The following GID4 variants were observed in gnomAD, a reference collection of about 807,000 sequenced individuals.
The protein encoded by GID4 is glucose-induced degradation protein 4 homolog.
Under a neutral mutation model 32.4 loss-of-function variants are expected in GID4, and 7 were observed. The observed-to-expected ratio is 0.22, with a 90% CI of 0.12 to 0.41. GID4 has a LOEUF of 0.41. Among genes scored for constraint, GID4 ranks in the 10% least tolerant of loss-of-function variants. The pLI is 1.00. For missense variants in GID4, 309 were observed against 400.0 expected (o/e 0.77, Z 1.94); for synonymous variants, 166 against 170.0 (o/e 0.98, Z 0.18).
At position 18,061,981 on chromosome 17, in the gene GID4, G is replaced by A. The variant is rs1567589431; in HGVS notation, c.839+6G>A. 6 of 1,612,966 alleles carry A rather than the reference G, an allele frequency of 3.7e-6. No individual in the cohort carries two copies. In the East Asian group the frequency reaches 1.1e-4, roughly 30 times the overall value. ...TACCATAGGAGTTCAGAATGGTGAG[G>A]ACCTCTGAGGACAGAGGCCACGGGG... On this transcript the variant is annotated splice_donor_region_variant and intron_variant, in intron 5 of 5. Transcript: ENST00000268719. This position sits in a 1 kb window ranked among gnomAD's most constrained non-coding sequence, Gnocchi z 4.4.
intron 3 of GID4, chr17:18,056,717 T>A: frequency 1.3e-6 from 2 of 1,549,886 alleles, no homozygotes; most frequent in African/African-American, 1.4e-5. Flanking sequence ...TTGGAAGATA[T>A]CTGGATCTGC....
rs2044760953 is a variant in GID4, at chr17:18,039,523, C to T, written c.59C>T (p.Ser20Leu). The T allele has an allele frequency of 5.3e-6, 7 of 1,310,422 alleles. No homozygotes were observed. The highest frequency in any genetic ancestry group is 6.8e-6 in the Non-Finnish European group (7 of 1,034,162). 81.2% of individuals were successfully genotyped at this position (1,310,422 alleles called of 1,614,324 possible). Residue 20 changes from serine (S) to leucine (L), a missense_variant, in exon 1 of 6, where the codon TCG (serine) becomes TTG (leucine). Coordinates refer to ENST00000268719, the MANE Select transcript of GID4 (RefSeq NM_024052.5). This position sits in a 1 kb window ranked among gnomAD's most constrained non-coding sequence, Gnocchi z 5.3. Reference protein sequence around the residue: ...GTQLRTGRPCSQVPGSRWRPE... With the variant: ...GTQLRTGRPCLQVPGSRWRPE... ...CAGCTCAGGACTGGGAGGCCCTGCT[C>T]GCAGGTCCCTGGGTCCCGGTGGCGG... is the stretch of plus-strand genomic sequence containing the variant.
chr17:18,040,667 AGTCT>A (rs1470167261), intron 1 of GID4, among the ~76,000 whole-genome samples: 1 of 152,092 alleles, frequency 6.6e-6, no homozygotes, highest in Non-Finnish European at 1.5e-5. Context: ...GACCATTTGC[AGTCT>A]TTTCCCAGTC....
intron 3 of GID4, 36 bp downstream of exon 3, chr17:18,054,270 G>A: frequency 7.8e-7 from 1 of 1,281,166 alleles, no homozygotes; most frequent in Non-Finnish European, 1.1e-6. Flanking sequence ...TCATCTAGGG[G>A]CTGCTAGAGA....
In GID4 at chr17:18,065,636, A is replaced by AC. The variant is rs2045054922; in HGVS notation, c.*398dup. Reference sequence around the variant, plus strand: ...GTGCTCAGTGGTCCCGAGGCCCTAGACCCCCACCCCCCGCCAGTTGCTTTG... The same window carrying AC: ...GTGCTCAGTGGTCCCGAGGCCCTAGACCCCCCACCCCCCGCCAGTTGCTTTG... On this transcript the variant is annotated 3_prime_UTR_variant, in exon 6 of 6. Coordinates refer to ENST00000268719, the MANE Select transcript of GID4 (RefSeq NM_024052.5). 4.4e-6 allele frequency: 1 copy of AC among 229,228 alleles called. No individual in the cohort carries two copies. Among genetic ancestry groups the AC allele is most frequent in the African/African-American group, 2.3e-5 (1 of 42,848 alleles). The allele number at this position is 229,228 out of a possible 1,614,324, so 14.2% of individuals were successfully genotyped here.
At chr17:18,043,931 G>A (rs1189664256) in intron 1 of GID4, among the ~76,000 whole-genome samples, 2 of 152,180 alleles carry the variant, frequency 1.3e-5, no homozygotes, top group Non-Finnish European at 2.9e-5. Flanking sequence ...TTCAGAATGA[G>A]TCTGTATAGA....
chr17:18,042,018 G>A (rs894810175), intron 1 of GID4, among the ~76,000 whole-genome samples: 3 of 152,212 alleles, frequency 2.0e-5, no homozygotes, highest in Admixed American at 2.0e-4. Flanking sequence ...TCATCATCAC[G>A]ACTAGTCAGT....
At chr17:18,044,884 G>A (rs879602010) in intron 1 of GID4, among the ~76,000 whole-genome samples, 20 of 152,158 alleles carry the variant, frequency 1.3e-4, no homozygotes, top group Non-Finnish European at 7.3e-5. Context: ...GAATTTGAGT[G>A]GGCACCCCAT....
At chr17:18,053,881 G>T (rs2044938938) in intron 2 of GID4, among the ~76,000 whole-genome samples, 1 of 152,180 alleles carries the variant, frequency 6.6e-6, no homozygotes, top group African/African-American at 2.4e-5. Context: ...TGTAACAATT[G>T]AAGTCAAAGA....
chr17:18,062,058 C>A, intron 5 of GID4, 83 bp downstream of exon 5: 1 of 1,289,584 alleles, frequency 7.8e-7, no homozygotes, highest in African/African-American at 1.5e-5. Flanking sequence ...CCAAAAGCAA[C>A]ATCTTAGCCT....
intron 1 of GID4, among the ~76,000 whole-genome samples, chr17:18,043,755 TTCACAAA>T (rs1380404550): frequency 3.9e-5 from 6 of 152,234 alleles, no homozygotes; most frequent in Non-Finnish European, 4.4e-5. Flanking sequence ...AGTAATCAGG[TTCACAAA>T]TCTGATAAAT....
Position 18,061,340 on chromosome 17 carries a change from A to C in GID4, c.709-505A>C, listed in dbSNP as rs1408150437. Reference sequence around the variant, plus strand: ...TTCTGACTGCTTTTGACAAGGCGTCAAGCTCTTGGAGGGGGTGTCACAGGG... The same window carrying C: ...TTCTGACTGCTTTTGACAAGGCGTCCAGCTCTTGGAGGGGGTGTCACAGGG... On this transcript the variant is annotated intron_variant, in intron 4 of 5. Transcript: ENST00000268719. This position sits in a 1 kb window ranked among gnomAD's most constrained non-coding sequence, Gnocchi z 4.4. 6.6e-6 allele frequency among the ~76,000 whole-genome samples: 1 copy of C among 152,202 alleles called. No homozygotes were observed. The highest frequency in any genetic ancestry group is 1.5e-5 in the Non-Finnish European group (1 of 68,038).
At chr17:18,053,978 A>C in intron 2 of GID4, 149 bp from the exon 3 acceptor site, 1 of 469,808 alleles carries the variant, frequency 2.1e-6, no homozygotes, top group Non-Finnish European at 3.8e-6. Flanking sequence ...CCTGTTGGCA[A>C]ACTGGCTGCG....
rs555653947 is a variant in GID4, at chr17:18,063,812, G to A, written c.840-1368G>A. Among the ~76,000 whole-genome samples, 138 of 152,070 alleles carry A rather than the reference G, an allele frequency of 9.1e-4. 1 individual carries two copies. The South Asian group carries it at 0.023, about 26-fold the overall frequency. On this transcript the variant is annotated intron_variant, in intron 5 of 5. Transcript: ENST00000268719. ...GGCTGGAGTTCAGTGGCACGATCTC[G>A]GCTCACTGCAACCTCCGCCTCCCAG...
chr17:18,063,075 AAAATAAATAAATAAATAAATAAAT>A (rs140677914), intron 5 of GID4, among the ~76,000 whole-genome samples: 1 of 123,580 alleles, frequency 8.1e-6, no homozygotes. Context: ...CACCATCTCA[AAAATAAATAAATAAATAAATAAAT>A]AAATAAATAA....
rs1475850956 is a variant in GID4 at position 18,065,166 on chromosome 17, C to T, written c.840-14C>T. 1.9e-6 allele frequency: 3 copies of T among 1,609,720 alleles called. No individual in the cohort carries two copies. Among genetic ancestry groups the T allele is most frequent in the Non-Finnish European group, 2.6e-6 (3 of 1,175,986 alleles). ...AGATGACTACCTCCCGTTTCTGTCT[C>T]CTCCCCCTTGCAGGTATCAGTCCCT... is the stretch of plus-strand genomic sequence containing the variant. On this transcript the variant is annotated splice_polypyrimidine_tract_variant and intron_variant, in intron 5 of 5. Coordinates refer to ENST00000268719, the MANE Select transcript of GID4 (RefSeq NM_024052.5).
chr17:18,064,758 T>C (rs2045045872), intron 5 of GID4, among the ~76,000 whole-genome samples: 1 of 152,168 alleles, frequency 6.6e-6, no homozygotes, highest in East Asian at 1.9e-4. Flanking sequence ...TCTCTTTAGA[T>C]ACCATGAGAA....
chr17:18,040,119 G>C (rs1414484991), intron 1 of GID4, among the ~76,000 whole-genome samples: 1 of 152,028 alleles, frequency 6.6e-6, no homozygotes, highest in Non-Finnish European at 1.5e-5. Flanking sequence ...CGTCGTGACC[G>C]GCTCCTGGCG....
At chr17:18,050,893 C>G (rs59999521) in intron 2 of GID4, among the ~76,000 whole-genome samples, 2,349 of 152,200 alleles carry the variant, frequency 0.015, 69 homozygotes, top group African/African-American at 0.053. Flanking sequence ...GTTTTTCGTC[C>G]GCTCTATAAA....
Sources: gnomAD v4.1 joint callset for allele counts (sites outside exome capture counted in the v4.1 genomes callset) on GRCh38, gnomAD v4.1.1 for gene constraint, Gnocchi (gnomAD v3.1) non-coding constraint, MANE v1.5 for transcripts, NCBI Gene and HGNC (gene_info 2026-07-23, HGNC 2026-07-21) for gene names.